The following ARRB1 variants were observed in gnomAD, a reference collection of about 807,000 sequenced individuals.
The protein encoded by ARRB1 is beta-arrestin-1.
A neutral mutation model predicts 56.8 loss-of-function variants in ARRB1; 21 were observed. The ratio of observed to expected loss-of-function variants is 0.37; its 90% CI spans 0.26 to 0.53. ARRB1 has a LOEUF of 0.53. Among genes scored for constraint, ARRB1 ranks in the 20% least tolerant of loss-of-function variants. ARRB1 has a pLI of 0.88. For synonymous variants in ARRB1, 210 were observed against 218.6 expected (o/e 0.96, Z 0.35); for missense variants, 424 against 553.7 (o/e 0.77, Z 2.35).
intron 2 of ARRB1, among the ~76,000 whole-genome samples, chr11:75,289,047 T>C (rs1742821215): frequency 6.6e-6 from 1 of 152,110 alleles, no homozygotes; most frequent in Admixed American, 6.5e-5. Flanking sequence ...GACTCTGGGC[T>C]GAGAAGGAAT....
At chr11:75,292,099 T>C (rs1224712487) in intron 1 of ARRB1, among the ~76,000 whole-genome samples, 2 of 152,078 alleles carry the variant, frequency 1.3e-5, no homozygotes, top group Admixed American at 6.6e-5. Context: ...CCACCTCCCC[T>C]GGGAGCCCTG....
chr11:75,317,446 G>A (rs1411672759), intron 1 of ARRB1, among the ~76,000 whole-genome samples: 2 of 151,768 alleles, frequency 1.3e-5, no homozygotes, highest in East Asian at 1.9e-4. Flanking sequence ...CCCCACACCC[G>A]GTTCACAGCC....
chr11:75,288,988 G>A (rs923117485), intron 2 of ARRB1, among the ~76,000 whole-genome samples: 1 of 152,204 alleles, frequency 6.6e-6, no homozygotes, highest in Admixed American at 6.5e-5. Context: ...TTCATTCCAA[G>A]TGCCAAGTCT....
intron 10 of ARRB1, among the ~76,000 whole-genome samples, chr11:75,276,520 C>T (rs1021866763): frequency 1.3e-5 from 2 of 152,200 alleles, no homozygotes; most frequent in Non-Finnish European, 2.9e-5. Context: ...CAAAGTATTT[C>T]CCTTCAACCT....
intron 1 of ARRB1, among the ~76,000 whole-genome samples, chr11:75,333,062 C>T (rs1051852011): frequency 2.6e-5 from 4 of 152,200 alleles, no homozygotes; most frequent in Non-Finnish European, 4.4e-5. Flanking sequence ...CCACCTTGGG[C>T]ACATGTTCTC....
Position 75,278,706 on chromosome 11 carries a change from G to A in ARRB1, c.521C>T (p.Ala174Val). 6.2e-7 allele frequency: 1 copy of A among 1,613,926 alleles called. No homozygotes were observed. ...GGGCTGGGGGCCAGGCCTCTCTGGG[G>A]CATACTGAACCTTCCGGATGACCAG... ...VRLVIRKVQY[A>V]PERPGPQPTA... The change falls in exon 8 of 16, where the codon GCC becomes GTC. Residue 174 changes from alanine (A) to valine (V), a missense_variant. Ala to Val is a moderately conservative substitution (Grantham distance 64). Coordinates refer to ENST00000420843, the MANE Select transcript of ARRB1 (RefSeq NM_004041.5).
Position 75,271,710 on chromosome 11 carries a change from A to G in ARRB1, c.1013T>C (p.Leu338Pro). The change falls in exon 13 of 16, where the codon CTT becomes CCT. Residue 338 changes from leucine (L) to proline (P), a missense_variant. Physicochemically the swap from Leu to Pro is moderately conservative, Grantham distance 98. Transcript: ENST00000420843. ...VVSRGGLLGD[L>P]ASSDVAVELP... ...GAAGGGAGGAATTTACCTGGATGCAAGATCTCCCAACAGGCTGGGTGGGTC... is the reference window on the plus strand; with the variant it reads ...GAAGGGAGGAATTTACCTGGATGCAGGATCTCCCAACAGGCTGGGTGGGTC... 1 of 1,571,742 alleles carries G rather than the reference A, an allele frequency of 6.4e-7. No individual in the cohort carries two copies. The highest frequency in any genetic ancestry group is 8.6e-7 in the Non-Finnish European group (1 of 1,158,118).
intron 1 of ARRB1, among the ~76,000 whole-genome samples, chr11:75,317,001 G>A (rs1947276709): frequency 6.6e-6 from 1 of 152,196 alleles, no homozygotes; most frequent in Non-Finnish European, 1.5e-5. Flanking sequence ...GGTAGGTGGA[G>A]GTTGCAGTCA....
intron 1 of ARRB1, among the ~76,000 whole-genome samples, chr11:75,329,725 G>C (rs1444947891): frequency 6.6e-6 from 1 of 152,172 alleles, no homozygotes; most frequent in South Asian, 2.1e-4. Context: ...GGGCACTGTG[G>C]TGCATGCCTG....
rs764777303 is a variant in ARRB1 at position 75,351,622 on chromosome 11, G to A, written c.-15C>T. Reference sequence around the variant, plus strand: ...TTGTCGCCCATGGTCCGCGACGGTCGCAGGGAGGTCCGCGGCGTCAGCGCC... The same window carrying A: ...TTGTCGCCCATGGTCCGCGACGGTCACAGGGAGGTCCGCGGCGTCAGCGCC... On this transcript the variant is annotated 5_prime_UTR_variant, in exon 1 of 16. Coordinates refer to ENST00000420843, the MANE Select transcript of ARRB1 (RefSeq NM_004041.5). 9 of 1,404,250 alleles carry A rather than the reference G, an allele frequency of 6.4e-6. No individual in the cohort carries two copies. In the East Asian group the frequency reaches 1.9e-4, roughly 29 times the overall value. 87.0% of individuals were successfully genotyped at this position (1,404,250 alleles called of 1,614,324 possible). A position where few individuals can be genotyped will look rare whatever the true frequency, so the allele number is the denominator to read the frequency against.
chr11:75,287,949 G>A (rs922140056), intron 2 of ARRB1, among the ~76,000 whole-genome samples: 4 of 151,814 alleles, frequency 2.6e-5, no homozygotes, highest in East Asian at 1.9e-4. Flanking sequence ...TGCAACCTCC[G>A]CCTCCCAGGT....
chr11:75,302,140 G>A (rs1311948686), intron 1 of ARRB1, among the ~76,000 whole-genome samples: 2 of 152,258 alleles, frequency 1.3e-5, no homozygotes, highest in African/African-American at 2.4e-5. Context: ...ATCTGCCATA[G>A]CTCCCAGGGC....
chr11:75,329,088 CTT>C (rs770989128), intron 1 of ARRB1, among the ~76,000 whole-genome samples: 5,245 of 103,698 alleles, frequency 0.051, 271 homozygotes, highest in African/African-American at 0.17. Context: ...TGCTGTGTAA[CTT>C]TTTTTTTTTT....
chr11:75,270,310 G>A (rs1303961650), intron 13 of ARRB1, among the ~76,000 whole-genome samples: 5 of 151,974 alleles, frequency 3.3e-5, no homozygotes. Flanking sequence ...GTGAGACACT[G>A]CCACCACCAC....
At chr11:75,302,849 C>A (rs1253257772) in intron 1 of ARRB1, among the ~76,000 whole-genome samples, 1 of 152,042 alleles carries the variant, frequency 6.6e-6, no homozygotes. Flanking sequence ...AGTTCTCCCC[C>A]AAGTGTCCCT....
At chr11:75,268,430 G>C (rs1945989365) in intron 14 of ARRB1, among the ~76,000 whole-genome samples, 1 of 150,968 alleles carries the variant, frequency 6.6e-6, no homozygotes, top group South Asian at 2.1e-4. Flanking sequence ...TCTTGAGCCT[G>C]GGAGGCGGAG....
chr11:75,278,864 T>A, intron 7 of ARRB1, 120 bp from the exon 8 acceptor site: 1 of 1,384,508 alleles, frequency 7.2e-7, no homozygotes, highest in Non-Finnish European at 9.8e-7. Flanking sequence ...CACCTTAGAA[T>A]CCAGCCAAAC....
intron 1 of ARRB1, among the ~76,000 whole-genome samples, chr11:75,312,661 A>G (rs374037799): frequency 9.2e-5 from 14 of 152,184 alleles, no homozygotes; most frequent in African/African-American, 2.7e-4. Flanking sequence ...ATCCTGCATG[A>G]CCTGGGTGGG....
intron 1 of ARRB1, chr11:75,312,238 T>A: frequency 9.9e-7 from 1 of 1,009,400 alleles, no homozygotes; most frequent in Non-Finnish European, 1.4e-6. Flanking sequence ...CGCCAGGAAC[T>A]GAGAACAGGC....
Sources: gnomAD v4.1 joint callset for allele counts (sites outside exome capture counted in the v4.1 genomes callset) on GRCh38, gnomAD v4.1.1 for gene constraint, MANE v1.5 for transcripts, NCBI Gene and HGNC (gene_info 2026-07-23, HGNC 2026-07-21) for gene names.